The following GALNT11 variants were observed in gnomAD, a reference collection of about 807,000 sequenced individuals.
The protein encoded by GALNT11 is polypeptide N-acetylgalactosaminyltransferase 11, also known as UDP-GalNAc:polypeptide N-acetylgalactosaminyltransferase 11.
A neutral mutation model predicts 72.7 loss-of-function variants in GALNT11; 47 were observed. The ratio of observed to expected loss-of-function variants is 0.65; its 90% CI spans 0.51 to 0.82. GALNT11 has a LOEUF of 0.82. Among genes scored for constraint, GALNT11 ranks in the 40% least tolerant of loss-of-function variants. The probability of loss-of-function intolerance (pLI) is 0.00; values close to 1 mark genes in which losing one functional copy is unlikely to be tolerated. For synonymous variants in GALNT11, 270 were observed against 286.6 expected (o/e 0.94, Z 0.58); for missense variants, 677 against 778.4 (o/e 0.87, Z 1.55).
chr7:152,109,404 C>G (rs1420148047), intron 6 of GALNT11, among the ~76,000 whole-genome samples: 2 of 152,194 alleles, frequency 1.3e-5, no homozygotes, highest in African/African-American at 4.8e-5. Context: ...CTTTGCTTCC[C>G]TTAAGATAAT....
intron 8 of GALNT11, among the ~76,000 whole-genome samples, chr7:152,114,464 G>A (rs35543978): frequency 0.052 from 7,858 of 152,182 alleles, 328 homozygotes; most frequent in East Asian, 0.18. Context: ...TTCCATGTAT[G>A]GGTCTGCATT....
At chr7:152,060,232 A>C (rs886182737) in intron 1 of GALNT11, among the ~76,000 whole-genome samples, 1 of 152,216 alleles carries the variant, frequency 6.6e-6, no homozygotes, top group Non-Finnish European at 1.5e-5. Flanking sequence ...ACTTGCCCTA[A>C]GACTGGTTTA....
chr7:152,091,670 C>T (rs2129035459), intron 1 of GALNT11, among the ~76,000 whole-genome samples: 1 of 152,210 alleles, frequency 6.6e-6, no homozygotes, highest in South Asian at 2.1e-4. Flanking sequence ...GAGCCACCGC[C>T]CCCAGCCGGA....
chr7:152,076,863 T>C (rs1293609094), intron 1 of GALNT11, among the ~76,000 whole-genome samples: 2 of 152,214 alleles, frequency 1.3e-5, no homozygotes, highest in Non-Finnish European at 2.9e-5. Context: ...TCTAAACCTG[T>C]TGAGGTGGTA....
intron 1 of GALNT11, among the ~76,000 whole-genome samples, chr7:152,032,369 A>G (rs941509251): frequency 3.9e-5 from 6 of 152,158 alleles, no homozygotes; most frequent in African/African-American, 1.4e-4. Context: ...GGCATCCTTG[A>G]GGTCCAGAAC....
chr7:152,049,200 G>A (rs1288502269), intron 1 of GALNT11, among the ~76,000 whole-genome samples: 1 of 152,082 alleles, frequency 6.6e-6, no homozygotes, highest in African/African-American at 2.4e-5. Flanking sequence ...TTGGTTCCTA[G>A]GCATTGAAGA....
chr7:152,118,470 AATAACTTTTGGAGTT>A (rs1272623565), intron 9 of GALNT11, 193 bp from the exon 10 acceptor site: 4 of 494,708 alleles, frequency 8.1e-6, no homozygotes, highest in Non-Finnish European at 1.4e-5. Flanking sequence ...TAAAACTGCT[AATAACTTTTGGAGTT>A]ATAACTTTTG....
chr7:152,086,076 T>C (rs938004534), intron 1 of GALNT11, among the ~76,000 whole-genome samples: 1 of 152,006 alleles, frequency 6.6e-6, no homozygotes, highest in African/African-American at 2.4e-5. Context: ...TTAGTAGACA[T>C]GGGGTTTCAC....
At chr7:152,039,069 A>G (rs2082722154) in intron 1 of GALNT11, among the ~76,000 whole-genome samples, 1 of 151,948 alleles carries the variant, frequency 6.6e-6, no homozygotes, top group African/African-American at 2.4e-5. Context: ...GATAATAGGA[A>G]CTCTTGTCAT....
rs1002863833 is a variant in GALNT11 at position 152,090,209 on chromosome 7, C to T, written c.-38-3981C>T. On this transcript the variant is annotated intron_variant, in intron 1 of 11. Coordinates refer to ENST00000430044, the MANE Select transcript of GALNT11 (RefSeq NM_022087.4). ...TGACCAGGGACAGTTTGGAGGTCAG[C>T]TATGTCAGATTTCTTCTACTGTCAC... 2.0e-5 allele frequency among the ~76,000 whole-genome samples: 3 copies of T among 152,166 alleles called. No homozygotes were observed. The East Asian group carries it at 5.8e-4, about 29-fold the overall frequency.
intron 1 of GALNT11, among the ~76,000 whole-genome samples, chr7:152,073,511 G>A (rs1258863974): frequency 6.6e-6 from 1 of 152,160 alleles, no homozygotes; most frequent in Non-Finnish European, 1.5e-5. Context: ...ATTTCATTGT[G>A]TTTATATTCC....
intron 1 of GALNT11, among the ~76,000 whole-genome samples, chr7:152,075,389 A>G (rs1347317235): frequency 6.6e-6 from 1 of 152,260 alleles, no homozygotes; most frequent in African/African-American, 2.4e-5. Flanking sequence ...ACATAGGCTC[A>G]GTGCTGCAAT....
At chr7:152,060,582 C>T (rs927571677) in intron 1 of GALNT11, among the ~76,000 whole-genome samples, 2 of 151,918 alleles carry the variant, frequency 1.3e-5, no homozygotes, top group East Asian at 1.9e-4. Context: ...CTCATTAACT[C>T]GTCATTTACA....
chr7:152,045,825 G>T (rs1399029510), intron 1 of GALNT11, among the ~76,000 whole-genome samples: 1 of 150,526 alleles, frequency 6.6e-6, no homozygotes, highest in Non-Finnish European at 1.5e-5. Flanking sequence ...CTAATTTTGG[G>T]TTGGTTTCCT....
chr7:152,120,892 CAG>C lies in GALNT11; in HGVS notation c.1623_1624del (p.Glu541AspfsTer118). On this transcript the variant is annotated frameshift_variant, in exon 11 of 12. Coordinates refer to ENST00000430044, the MANE Select transcript of GALNT11 (RefSeq NM_022087.4). LOFTEE classifies it high-confidence loss of function. ...AATAGTCTCCTTTGTCTAGATATGT[CAG>C]AGACTCGCTCATCAGACCCGCCACG... is the stretch of plus-strand genomic sequence containing the variant. 6.2e-7 allele frequency: 1 copy of C among 1,613,532 alleles called. No homozygotes were observed. Among genetic ancestry groups the C allele is most frequent in the Non-Finnish European group, 8.5e-7 (1 of 1,179,578 alleles).
In GALNT11 at chr7:152,108,427, G is replaced by A. The variant is rs149090223; in HGVS notation, c.962+140G>A. 8.6e-5 allele frequency: 112 copies of A among 1,307,576 alleles called. 1 individual carries two copies. The highest frequency in any genetic ancestry group is 2.8e-4 in the African/African-American group (19 of 67,478). The allele number at this position is 1,307,576 out of a possible 1,614,324, so 81.0% of individuals were successfully genotyped here. A position where few individuals can be genotyped will look rare whatever the true frequency, so the allele number is the denominator to read the frequency against. On this transcript the variant is annotated intron_variant, in intron 6 of 11. Coordinates refer to ENST00000430044, the MANE Select transcript of GALNT11 (RefSeq NM_022087.4). Reference sequence around the variant, plus strand: ...TTGTACGTTAAAAATTCTTGAGTACGTATTGAATTTTATGCAGTCTGCCAA... The same window carrying A: ...TTGTACGTTAAAAATTCTTGAGTACATATTGAATTTTATGCAGTCTGCCAA...
Position 152,113,116 on chromosome 7 carries a change from C to G in GALNT11, c.1081-130C>G, listed in dbSNP as rs191442167. 19 of 900,710 alleles carry G rather than the reference C, an allele frequency of 2.1e-5. No individual in the cohort carries two copies. In the Admixed American group the frequency reaches 3.7e-4, roughly 17 times the overall value. 55.8% of individuals were successfully genotyped at this position (900,710 alleles called of 1,614,324 possible). A position where few individuals can be genotyped will look rare whatever the true frequency, so the allele number is the denominator to read the frequency against. On this transcript the variant is annotated intron_variant, in intron 7 of 11. Transcript: ENST00000430044. ...TTTCCTTCTATTTGAATATTTGTATCTAATAAGATAAATATCTTGCCAAGT... is the reference window on the plus strand; with the variant it reads ...TTTCCTTCTATTTGAATATTTGTATGTAATAAGATAAATATCTTGCCAAGT...
chr7:152,041,541 C>T (rs1188519882), intron 1 of GALNT11, among the ~76,000 whole-genome samples: 1 of 152,212 alleles, frequency 6.6e-6, no homozygotes, highest in Non-Finnish European at 1.5e-5. Flanking sequence ...CATTCTAAGT[C>T]CAGCTCTTGG....
chr7:152,032,106 G>A (rs2082330125), intron 1 of GALNT11, among the ~76,000 whole-genome samples: 1 of 152,182 alleles, frequency 6.6e-6, no homozygotes, highest in South Asian at 2.1e-4. Context: ...AAGAGATCTA[G>A]AGTAGCCTGC....
Sources: gnomAD v4.1 joint callset for allele counts (sites outside exome capture counted in the v4.1 genomes callset) on GRCh38, gnomAD v4.1.1 for gene constraint, MANE v1.5 for transcripts, NCBI Gene and HGNC (gene_info 2026-07-23, HGNC 2026-07-21) for gene names.